TEX11: variants seen among roughly 807,000 people sequenced by gnomAD.
TEX11 encodes testis-expressed protein 11.
Under a neutral mutation model 84.4 loss-of-function variants are expected in TEX11, and 7 were observed. The ratio of observed to expected loss-of-function variants is 0.08; its 90% confidence interval spans 0.05 to 0.16. TEX11 has a LOEUF of 0.16. TEX11 is among the 10% of genes least tolerant of loss of function. The pLI is 1.00. For missense variants in TEX11, 551 were observed against 660.5 expected (o/e 0.83, Z 1.82); for synonymous variants, 264 against 222.8 (o/e 1.18, Z -1.64).
chrX:70,776,217 C>G (rs1266287919), intron 9 of TEX11, among the ~76,000 whole-genome samples: 1 of 110,907 alleles, frequency 9.0e-6, no homozygotes, highest in African/African-American at 3.3e-5. Flanking sequence ...ACCTAAGTGT[C>G]CATCAACAGA....
intron 21 of TEX11, among the ~76,000 whole-genome samples, chrX:70,609,635 A>G (rs2089236107): frequency 1.8e-5 from 2 of 112,390 alleles, no homozygotes; most frequent in South Asian, 7.4e-4. Flanking sequence ...AAGAATGCCA[A>G]CCAGCAAAGT....
At chrX:70,591,001 G>C (rs932857974) in intron 25 of TEX11, among the ~76,000 whole-genome samples, 1 of 110,791 alleles carries the variant, frequency 9.0e-6, no homozygotes, top group Non-Finnish European at 1.9e-5. Context: ...TGTCCGCCTC[G>C]GCCTCCCAAA....
intron 14 of TEX11, among the ~76,000 whole-genome samples, 175 bp from the exon 15 acceptor site, chrX:70,679,064 G>C (rs1380019355): frequency 8.9e-6 from 1 of 112,465 alleles, no homozygotes; most frequent in Non-Finnish European, 1.9e-5. Context: ...TCAGCCTGCC[G>C]ACTGCCTGCG....
At chrX:70,608,610 G>A (rs780410442) in intron 22 of TEX11, among the ~76,000 whole-genome samples, 8 of 109,431 alleles carry the variant, frequency 7.3e-5, no homozygotes, top group East Asian at 2.9e-4. Flanking sequence ...GCGTGGTGGC[G>A]GGTGCCTGTA....
At chrX:70,523,362 T>C in the TEX11 span, among the ~76,000 whole-genome samples, 1 of 111,528 alleles carries the variant, frequency 9.0e-6, no homozygotes, top group Admixed American at 9.6e-5. Context: ...ACAAATTGTA[T>C]GTCAGGATGT....
At chrX:70,541,644 G>C (rs1013917571) in intron 28 of TEX11, among the ~76,000 whole-genome samples, 1 of 111,458 alleles carries the variant, frequency 9.0e-6, no homozygotes, top group Non-Finnish European at 1.9e-5. Flanking sequence ...TGTAGTCCCA[G>C]CTACTTGGGA....
chrX:70,528,989 C>G lies in TEX11; in HGVS notation c.*106G>C, dbSNP rs770218840. ...GAAAGTTTATTCAACAACATGAAAA[C>G]AGGGTCTGAGCAAACAGAAACAAAA... On this transcript the variant is annotated 3_prime_UTR_variant, in exon 30 of 30. Transcript: ENST00000374333. 7.2e-6 allele frequency: 4 copies of G among 558,848 alleles called. No individual in the cohort carries two copies. In the African/African-American group the frequency reaches 9.4e-5, roughly 13 times the overall value. 46.1% of individuals were successfully genotyped at this position (558,848 alleles called of 1,213,427 possible). A position where few individuals can be genotyped will look rare whatever the true frequency, so the allele number is the denominator to read the frequency against.
chrX:70,532,986 C>T (rs1380430129), intron 28 of TEX11, among the ~76,000 whole-genome samples: 2 of 110,840 alleles, frequency 1.8e-5, no homozygotes, highest in African/African-American at 3.3e-5. Context: ...TGAAGTGAGC[C>T]AAGATCGCAC....
chrX:70,633,694 G>A (rs910013411), intron 17 of TEX11, among the ~76,000 whole-genome samples: 2 of 111,973 alleles, frequency 1.8e-5, no homozygotes, highest in African/African-American at 6.5e-5. Flanking sequence ...AAGGTGGGAG[G>A]ATTCCTTGAG....
At chrX:70,856,514 C>T (rs936525634) in intron 5 of TEX11, among the ~76,000 whole-genome samples, 2 of 110,898 alleles carry the variant, frequency 1.8e-5, no homozygotes, top group African/African-American at 6.5e-5. Context: ...TGATTTAATA[C>T]AATATAAATG....
At chrX:70,659,776 T>C (rs747362411) in intron 16 of TEX11, among the ~76,000 whole-genome samples, 2 of 112,489 alleles carry the variant, frequency 1.8e-5, no homozygotes, top group Non-Finnish European at 3.8e-5. Context: ...GAAGTATTTA[T>C]TCATAATAGC....
At chrX:70,806,263 T>C (rs751693564) in intron 9 of TEX11, among the ~76,000 whole-genome samples, 1 of 111,460 alleles carries the variant, frequency 9.0e-6, no homozygotes, top group Admixed American at 9.5e-5. Context: ...GAGAACAGCC[T>C]GGGCAACATG....
At chrX:70,633,043 GGA>G (rs2089528854) in intron 17 of TEX11, among the ~76,000 whole-genome samples, 1 of 111,777 alleles carries the variant, frequency 8.9e-6, no homozygotes, top group Admixed American at 9.5e-5. Context: ...AAACTGAAAA[GGA>G]GAATATACTT....
At chrX:70,819,207 G>A (rs965040025) in intron 8 of TEX11, among the ~76,000 whole-genome samples, 8 of 111,604 alleles carry the variant, frequency 7.2e-5, no homozygotes, top group African/African-American at 2.3e-4. Flanking sequence ...CTAAGAAACT[G>A]AATCCAACAA....
chrX:70,889,331 C>A lies in TEX11; in HGVS notation c.38-9222G>T, dbSNP rs187016398. On this transcript the variant is annotated intron_variant, in intron 2 of 29. Transcript: ENST00000374333. ...ATTTGGGAGGGTGAGGCAGGAGAATCGCTTGAACCCAGGAGGCGGTGGTTG... is the reference window on the plus strand; with the variant it reads ...ATTTGGGAGGGTGAGGCAGGAGAATAGCTTGAACCCAGGAGGCGGTGGTTG... Among the ~76,000 whole-genome samples, 276 of 109,792 alleles carry A rather than the reference C, an allele frequency of 2.5e-3. 2 individuals are homozygous for A. The highest frequency in any genetic ancestry group is 8.5e-3 in the African/African-American group (257 of 30,134).
At chrX:70,579,863 C>T (rs1294659791) in intron 25 of TEX11, among the ~76,000 whole-genome samples, 3 of 111,519 alleles carry the variant, frequency 2.7e-5, no homozygotes, top group South Asian at 3.8e-4. Context: ...CTGGCGATGA[C>T]ATGGAAAAAA....
intron 2 of TEX11, among the ~76,000 whole-genome samples, chrX:70,885,052 C>A (rs1055179181): frequency 9.9e-5 from 11 of 111,019 alleles, no homozygotes; most frequent in Admixed American, 2.9e-4. Context: ...TGAGCTGGTA[C>A]ATGCCATAGC....
In TEX11 at chrX:70,557,612, A is replaced by C. The variant is rs764438210; in HGVS notation, c.2141-2812T>G. ...CATTGAAATAAACAAGATGTAACAAAATGGAAACATATCCCATGTTCATGG... is the reference window on the plus strand; with the variant it reads ...CATTGAAATAAACAAGATGTAACAACATGGAAACATATCCCATGTTCATGG... On this transcript the variant is annotated intron_variant, in intron 25 of 29. Coordinates refer to ENST00000374333, the MANE Select transcript of TEX11 (RefSeq NM_031276.3). Among the ~76,000 whole-genome samples the C allele has an allele frequency of 2.7e-5, 3 of 112,347 alleles. No individual in the cohort carries two copies. In the East Asian group the frequency reaches 8.3e-4, roughly 31 times the overall value.
At chrX:70,692,801 T>G (rs1346442012) in intron 13 of TEX11, among the ~76,000 whole-genome samples, 1 of 111,315 alleles carries the variant, frequency 9.0e-6, no homozygotes, top group Non-Finnish European at 1.9e-5. Flanking sequence ...GATATCTCTT[T>G]CAGATCCTAC....
Sources: allele counts gnomAD v4.1 joint callset (sites outside exome capture counted in the v4.1 genomes callset), GRCh38; gene constraint gnomAD v4.1.1; transcripts MANE v1.5; gene names NCBI Gene and HGNC (gene_info 2026-07-23, HGNC 2026-07-21).